Variants in SEC14L1 observed in about 807,000 individuals in gnomAD.
SEC14L1 encodes the protein SEC14 like lipid binding 1, also known as SEC14-like protein 1.
Under a neutral mutation model 85.3 loss-of-function variants are expected in SEC14L1, and 48 were observed. The observed-to-expected ratio is 0.56, with a 90% CI of 0.45 to 0.72. The LOEUF is 0.72. Among genes scored for constraint, SEC14L1 ranks in the 30% least tolerant of loss-of-function variants. The pLI is 0.00. For synonymous variants in SEC14L1, 391 were observed against 355.5 expected (o/e 1.10, Z -1.12); for missense variants, 682 against 921.4 (o/e 0.74, Z 3.36).
At chr17:77,158,359 C>G (rs538071675) in intron 3 of SEC14L1, among the ~76,000 whole-genome samples, 92 of 152,326 alleles carry the variant, frequency 6.0e-4, no homozygotes, top group African/African-American at 2.1e-3. Flanking sequence ...AGCCACCATT[C>G]TTTCTGTCCC....
At chr17:77,128,859 C>A (rs759937410) in intron 3 of SEC14L1, among the ~76,000 whole-genome samples, 72 of 152,062 alleles carry the variant, frequency 4.7e-4, no homozygotes, top group Non-Finnish European at 9.1e-4. Flanking sequence ...CACCCCTAGC[C>A]CCTTGGAGTC....
chr17:77,128,389 CATTTTATTTT>C (rs144559197), intron 3 of SEC14L1, among the ~76,000 whole-genome samples: 5,122 of 129,776 alleles, frequency 0.039, 122 homozygotes, highest in East Asian at 0.056. Context: ...CACACTTGAG[CATTTTATTTT>C]ATTTTATTTT....
Position 77,194,911 on chromosome 17 carries a change from G to T in SEC14L1, c.709G>T (p.Asp237Tyr). ...TGAGCCCGTGGTGGGCACCCCTGACGGTGGGTCTGGCAGGGGCTTCATCCC... is the reference window on the plus strand; with the variant it reads ...TGAGCCCGTGGTGGGCACCCCTGACTGTGGGTCTGGCAGGGGCTTCATCCC... ...APEPVVGTPDDKLDADYIKRY... is the reference protein window; with the variant it reads ...APEPVVGTPDYKLDADYIKRY... Residue 237 changes from aspartate to tyrosine, a missense_variant and splice_region_variant, in exon 7 of 17, where the codon GAC (aspartate) becomes TAC (tyrosine). By Grantham distance (160) the Asp-to-Tyr change is radical (BLOSUM62 -3). This residue lies in a region of SEC14L1 where 123 missense variants were observed against 100.6 expected (regional missense o/e 1.22). Coordinates refer to ENST00000436233, the MANE Select transcript of SEC14L1 (RefSeq NM_001143998.2). 1 of 1,610,450 alleles carries T rather than the reference G, an allele frequency of 6.2e-7. No individual in the cohort carries two copies. Among genetic ancestry groups the T allele is most frequent in the Non-Finnish European group, 8.5e-7 (1 of 1,176,704 alleles).
intron 3 of SEC14L1, among the ~76,000 whole-genome samples, chr17:77,097,486 C>A (rs1378094981): frequency 6.6e-6 from 1 of 152,162 alleles, no homozygotes; most frequent in Non-Finnish European, 1.5e-5. Flanking sequence ...ATCTCTTAAA[C>A]CTGGGAGGCA....
intron 14 of SEC14L1, chr17:77,211,540 C>A: frequency 5.5e-6 from 1 of 181,972 alleles, no homozygotes; most frequent in South Asian, 1.1e-4. Flanking sequence ...GGAACGCTGT[C>A]CTCAGGCTCC....
chr17:77,207,693 C>T (rs1411590596), intron 13 of SEC14L1, among the ~76,000 whole-genome samples: 3 of 152,182 alleles, frequency 2.0e-5, no homozygotes, highest in African/African-American at 4.8e-5. Flanking sequence ...CTCAAGTAAT[C>T]CGCCCACCTC....
chr17:77,152,067 C>G (rs929533840), intron 3 of SEC14L1, among the ~76,000 whole-genome samples: 1 of 152,182 alleles, frequency 6.6e-6, no homozygotes, highest in Non-Finnish European at 1.5e-5. Flanking sequence ...CCTCGAACTC[C>G]TGGGCTCAAG....
At chr17:77,167,566 C>G (rs184339471) in intron 3 of SEC14L1, among the ~76,000 whole-genome samples, 33 of 152,250 alleles carry the variant, frequency 2.2e-4, no homozygotes, top group Admixed American at 5.2e-4. Context: ...GAAAATTGAG[C>G]AGCTAGTACA....
chr17:77,152,826 A>G (rs963001623), intron 3 of SEC14L1, among the ~76,000 whole-genome samples: 1 of 152,186 alleles, frequency 6.6e-6, no homozygotes, highest in Non-Finnish European at 1.5e-5. Flanking sequence ...TCCTGCTTCA[A>G]ATAAAGCCAT....
At chr17:77,199,786 T>C (rs375136221) in intron 8 of SEC14L1, among the ~76,000 whole-genome samples, 2 of 152,212 alleles carry the variant, frequency 1.3e-5, no homozygotes, top group African/African-American at 2.4e-5. Flanking sequence ...AAACTGATAA[T>C]GCTGATTTTC....
At chr17:77,118,695 G>A (rs983701057) in intron 3 of SEC14L1, among the ~76,000 whole-genome samples, 1 of 152,200 alleles carries the variant, frequency 6.6e-6, no homozygotes, top group African/African-American at 2.4e-5. Flanking sequence ...TATGCATTTC[G>A]ACAGCCTCCT....
intron 14 of SEC14L1, 21 bp downstream of exon 14, chr17:77,209,497 CA>C: frequency 6.2e-7 from 1 of 1,611,360 alleles, no homozygotes; most frequent in East Asian, 2.2e-5. Context: ...CGCCTTCCTG[CA>C]CCTGGGCCGG....
At chr17:77,196,500 C>A (rs1008314547) in intron 8 of SEC14L1, among the ~76,000 whole-genome samples, 189 bp downstream of exon 8, 1 of 152,204 alleles carries the variant, frequency 6.6e-6, no homozygotes, top group African/African-American at 2.4e-5. Context: ...TAATGCATGA[C>A]TAACTGCATT....
chr17:77,107,029 A>G (rs1053973715), intron 3 of SEC14L1, among the ~76,000 whole-genome samples: 8 of 152,128 alleles, frequency 5.3e-5, no homozygotes, highest in African/African-American at 1.9e-4. Flanking sequence ...CACATCCCCC[A>G]TGGGGTGTAA....
chr17:77,145,383 C>T (rs905156438), intron 3 of SEC14L1, among the ~76,000 whole-genome samples: 3 of 152,134 alleles, frequency 2.0e-5, no homozygotes, highest in African/African-American at 4.8e-5. Flanking sequence ...TGTGAAAACA[C>T]AGGACATTTG....
chr17:77,180,093 G>C (rs982454432), intron 3 of SEC14L1, among the ~76,000 whole-genome samples: 1 of 135,110 alleles, frequency 7.4e-6, no homozygotes, highest in African/African-American at 2.7e-5. Context: ...GTTATGTTAT[G>C]TTATGTTACT....
chr17:77,121,919 G>C (rs994357053), intron 3 of SEC14L1, among the ~76,000 whole-genome samples: 1 of 152,144 alleles, frequency 6.6e-6, no homozygotes, highest in Non-Finnish European at 1.5e-5. Context: ...CCAACTCTCA[G>C]GGCCCAGACA....
intron 3 of SEC14L1, among the ~76,000 whole-genome samples, chr17:77,120,637 C>T (rs1273134890): frequency 6.6e-6 from 1 of 152,122 alleles, no homozygotes; most frequent in Admixed American, 6.6e-5. Context: ...CCACCACGCC[C>T]AGCTAATTTT....
chr17:77,200,749 C>A, intron 9 of SEC14L1, 76 bp downstream of exon 9: 1 of 1,464,438 alleles, frequency 6.8e-7, no homozygotes, highest in East Asian at 2.3e-5. Flanking sequence ...AGGCCTCCTT[C>A]CCTGGAGTTG....
Sources: gnomAD v4.1 joint callset for allele counts (sites outside exome capture counted in the v4.1 genomes callset) on GRCh38, gnomAD v4.1.1 for gene constraint, gnomAD v4.1.1 regional missense constraint, MANE v1.5 for transcripts, NCBI Gene and HGNC (gene_info 2026-07-23, HGNC 2026-07-21) for gene names.